Variants in CCDC85A observed in about 807,000 individuals in gnomAD.
CCDC85A encodes the protein coiled-coil domain containing 85A.
In CCDC85A, 38 loss-of-function variants were observed where a neutral mutation model predicts 50.2. That is an observed-to-expected ratio of 0.76 (90% CI 0.58 to 0.99). CCDC85A has a LOEUF of 0.99. Among genes scored for constraint, CCDC85A ranks in the 50% least tolerant of loss-of-function variants. The probability of loss-of-function intolerance (pLI) is 0.00; values close to 1 mark genes in which losing one functional copy is unlikely to be tolerated. For missense variants in CCDC85A, 820 were observed against 742.0 expected (o/e 1.11, Z -1.22); for synonymous variants, 366 against 301.4 (o/e 1.21, Z -2.22).
chr2:56,206,799 C>T (rs1676981034), intron 2 of CCDC85A, among the ~76,000 whole-genome samples: 1 of 152,174 alleles, frequency 6.6e-6, no homozygotes, highest in Non-Finnish European at 1.5e-5. Context: ...TGCTTGAGGG[C>T]TTTATATACC....
At chr2:56,299,080 C>T (rs1162784832) in intron 2 of CCDC85A, among the ~76,000 whole-genome samples, 4 of 152,134 alleles carry the variant, frequency 2.6e-5, no homozygotes, top group Non-Finnish European at 4.4e-5. Context: ...AAAGCTTTCC[C>T]CACCTGTAGT....
At chr2:56,338,137 T>C (rs1051907048) in intron 2 of CCDC85A, among the ~76,000 whole-genome samples, 2 of 152,182 alleles carry the variant, frequency 1.3e-5, no homozygotes, top group Non-Finnish European at 2.9e-5. Context: ...TTGGCTGTTT[T>C]TTGATGCTCT....
chr2:56,192,756 T>G lies in CCDC85A; in HGVS notation c.556T>G (p.Ser186Ala). 1 of 1,612,002 alleles carries G rather than the reference T, an allele frequency of 6.2e-7. No individual in the cohort carries two copies. Among genetic ancestry groups the G allele is most frequent in the East Asian group, 2.2e-5 (1 of 44,822 alleles). The change falls in exon 2 of 6, where the codon TCC (serine) becomes GCC (alanine). Residue 186 changes from serine (S) to alanine (A), a missense_variant. Transcript: ENST00000407595. This position sits in a 1 kb window ranked among gnomAD's most constrained non-coding sequence, Gnocchi z 4.7. The stretch of plus-strand genomic sequence containing the variant: ...TGCAGGCTGCGCAGGCAGCCGCTGC[T>G]CCATCGACAGCCAGGCCAGCCTGTG... ...KGAGCAGSRC[S>A]IDSQASLCQL...
chr2:56,268,828 C>A (rs72923465), intron 2 of CCDC85A, among the ~76,000 whole-genome samples: 6,730 of 151,974 alleles, frequency 0.044, 508 homozygotes, highest in African/African-American at 0.15. Flanking sequence ...CTAATATATT[C>A]TATAGAGAGA....
At chr2:56,259,261 T>C (rs1322871480) in intron 2 of CCDC85A, among the ~76,000 whole-genome samples, 1 of 152,086 alleles carries the variant, frequency 6.6e-6, no homozygotes, top group African/African-American at 2.4e-5. Context: ...TCATATGCAT[T>C]GATTGCCTCA....
intron 3 of CCDC85A, among the ~76,000 whole-genome samples, chr2:56,365,426 C>G (rs1434729930): frequency 6.6e-6 from 1 of 152,126 alleles, no homozygotes; most frequent in African/African-American, 2.4e-5. Flanking sequence ...TAACATGCTT[C>G]TAATCCAGTT....
intron 1 of CCDC85A, among the ~76,000 whole-genome samples, chr2:56,187,879 T>TG (rs543615854): frequency 1.9e-3 from 295 of 152,328 alleles, no homozygotes; most frequent in Non-Finnish European, 3.7e-3. Context: ...GTATCCCAGT[T>TG]GGGGGCTGAT....
intron 3 of CCDC85A, among the ~76,000 whole-genome samples, chr2:56,358,946 G>A (rs1299452358): frequency 1.2e-4 from 5 of 40,998 alleles, no homozygotes; most frequent in African/African-American, 3.2e-4. Flanking sequence ...CACCATGCCC[G>A]GCTAATTTTT....
At chr2:56,301,693 G>A (rs1443439096) in intron 2 of CCDC85A, among the ~76,000 whole-genome samples, 1 of 152,214 alleles carries the variant, frequency 6.6e-6, no homozygotes, top group Non-Finnish European at 1.5e-5. Flanking sequence ...TCAACAAAAG[G>A]TGGAGTTTAA....
intron 2 of CCDC85A, among the ~76,000 whole-genome samples, chr2:56,237,741 ATT>A (rs5831405): frequency 0.21 from 31,260 of 148,986 alleles, 3,303 homozygotes; most frequent in East Asian, 0.29. Flanking sequence ...CTAACCATTA[ATT>A]TTTTTTTTTT....
chr2:56,257,941 C>T (rs1053675946), intron 2 of CCDC85A, among the ~76,000 whole-genome samples: 2 of 152,052 alleles, frequency 1.3e-5, no homozygotes, highest in African/African-American at 2.4e-5. Flanking sequence ...TCATTTTCAC[C>T]AACAGAAATA....
chr2:56,295,002 G>T (rs1053797351), intron 2 of CCDC85A, among the ~76,000 whole-genome samples: 4 of 152,222 alleles, frequency 2.6e-5, no homozygotes, highest in Non-Finnish European at 4.4e-5. Context: ...TCATTGAATT[G>T]TCTGCATTAT....
At chr2:56,355,003 G>A (rs146279635) in intron 3 of CCDC85A, among the ~76,000 whole-genome samples, 91 of 152,272 alleles carry the variant, frequency 6.0e-4, no homozygotes, top group East Asian at 1.9e-3. Flanking sequence ...GGCCCAGCCC[G>A]CTATGAGTCT....
chr2:56,216,022 C>T (rs982841768), intron 2 of CCDC85A, among the ~76,000 whole-genome samples: 1 of 151,892 alleles, frequency 6.6e-6, no homozygotes, highest in African/African-American at 2.4e-5. Context: ...ACTACAGTGG[C>T]AGAGTTGAAT....
intron 2 of CCDC85A, among the ~76,000 whole-genome samples, chr2:56,213,901 C>T (rs1272452045): frequency 1.3e-5 from 2 of 151,792 alleles, no homozygotes; most frequent in African/African-American, 2.4e-5. Flanking sequence ...TAGGATAACC[C>T]TGTATAGTGA....
intron 2 of CCDC85A, among the ~76,000 whole-genome samples, chr2:56,320,879 C>A (rs1410847014): frequency 1.3e-5 from 2 of 152,044 alleles, no homozygotes; most frequent in African/African-American, 4.8e-5. Flanking sequence ...AACATCAATG[C>A]AAAAATCCTC....
chr2:56,247,970 T>C (rs1669584257), intron 2 of CCDC85A, among the ~76,000 whole-genome samples: 1 of 152,186 alleles, frequency 6.6e-6, no homozygotes, highest in Non-Finnish European at 1.5e-5. Context: ...TGCTCCAGTG[T>C]ACAATGGGGA....
At chr2:56,215,032 G>T (rs1425612767) in intron 2 of CCDC85A, among the ~76,000 whole-genome samples, 1 of 151,848 alleles carries the variant, frequency 6.6e-6, no homozygotes, top group Admixed American at 6.6e-5. Flanking sequence ...TGTTTATTTA[G>T]GTCATCTTTG....
chr2:56,207,731 C>T (rs1677014507), intron 2 of CCDC85A, among the ~76,000 whole-genome samples: 1 of 152,012 alleles, frequency 6.6e-6, no homozygotes, highest in Admixed American at 6.6e-5. Context: ...TTCATCATGC[C>T]TTATGGGACT....
Sources: allele counts gnomAD v4.1 joint callset (sites outside exome capture counted in the v4.1 genomes callset), GRCh38; gene constraint gnomAD v4.1.1; non-coding constraint Gnocchi (gnomAD v3.1); transcripts MANE v1.5; gene names NCBI Gene and HGNC (gene_info 2026-07-23, HGNC 2026-07-21).